The following MYH10 variants were observed in gnomAD, a reference collection of about 807,000 sequenced individuals.
The protein encoded by MYH10 is myosin heavy chain 10, also known as myosin-10.
MYH10 carries 55 observed loss-of-function variants against 257.8 expected under a neutral mutation model. That is an observed-to-expected ratio of 0.21 (90% CI 0.17 to 0.27). The LOEUF (loss-of-function observed/expected upper bound fraction) is 0.27. Ranked by LOEUF, MYH10 falls within the 10% of genes least tolerant of loss-of-function variation. The probability of loss-of-function intolerance (pLI) is 1.00; values close to 1 mark genes in which losing one functional copy is unlikely to be tolerated. For synonymous variants in MYH10, 854 were observed against 921.7 expected (o/e 0.93, Z 1.33); for missense variants, 1,631 against 2,500.6 (o/e 0.65, Z 7.42).
At chr17:8,524,839 TAACTC>T (rs1395822969) in intron 17 of MYH10, among the ~76,000 whole-genome samples, 7 of 152,174 alleles carry the variant, frequency 4.6e-5, no homozygotes, top group African/African-American at 1.4e-4. Context: ...AGTGTCCAAA[TAACTC>T]AGCTCAGTAG....
At chr17:8,564,414 A>G (rs1042412190) in intron 7 of MYH10, among the ~76,000 whole-genome samples, 5 of 152,220 alleles carry the variant, frequency 3.3e-5, no homozygotes, top group Non-Finnish European at 7.3e-5. Flanking sequence ...CATTGATCTC[A>G]ACCCAAGGCC....
intron 30 of MYH10, among the ~76,000 whole-genome samples, chr17:8,497,231 G>T (rs1318545340): frequency 6.6e-6 from 1 of 152,154 alleles, no homozygotes; most frequent in Admixed American, 6.5e-5. Flanking sequence ...ACTGTAGTGT[G>T]GTCTTGGGCC....
Position 8,476,979 on chromosome 17 carries a change from G to A in MYH10, c.5776C>T (p.Arg1926Cys), listed in dbSNP as rs1235028445. 1.2e-6 allele frequency: 2 copies of A among 1,614,160 alleles called. No homozygotes were observed. The highest frequency in any genetic ancestry group is 1.1e-5 in the South Asian group (1 of 91,090). Residue 1926 changes from arginine to cysteine, a missense_variant, in exon 42 of 43, where the codon CGT becomes TGT. Around this residue, in one of 11 missense-constraint regions of MYH10, gnomAD observed 343 missense variants for 389.5 expected, o/e 0.88. Coordinates refer to ENST00000360416, the MANE Select transcript of MYH10 (RefSeq NM_001256012.3). The stretch of plus-strand genomic sequence containing the variant: ...AGTTTACGCCGAGATGCGTTGGCAC[G>A]CGTCGCTTCTTCTTCTGCTTCCTCC... ...QLEEAEEEAT[R>C]ANASRRKLQR...
At chr17:8,566,525 A>AT (rs1284848953) in intron 7 of MYH10, among the ~76,000 whole-genome samples, 1 of 152,136 alleles carries the variant, frequency 6.6e-6, no homozygotes, top group Non-Finnish European at 1.5e-5. Flanking sequence ...GCCAAGAGCC[A>AT]TGTAGGATAG....
intron 14 of MYH10, among the ~76,000 whole-genome samples, chr17:8,540,861 T>C (rs2082272696): frequency 1.3e-5 from 2 of 152,244 alleles, no homozygotes; most frequent in Admixed American, 6.5e-5. Flanking sequence ...AGTGTGTTCA[T>C]GTGCTTGTGT....
At chr17:8,614,264 A>C (rs1181130188) in intron 2 of MYH10, among the ~76,000 whole-genome samples, 1 of 151,526 alleles carries the variant, frequency 6.6e-6, no homozygotes, top group Non-Finnish European at 1.5e-5. Context: ...ATAATAAAAT[A>C]AACCTGAAGA....
At chr17:8,509,384 C>T (rs980354753) in intron 25 of MYH10, among the ~76,000 whole-genome samples, 1 of 152,130 alleles carries the variant, frequency 6.6e-6, no homozygotes, top group Non-Finnish European at 1.5e-5. Flanking sequence ...AATGCATTTC[C>T]CAGAATGTGT....
At chr17:8,564,522 C>T (rs2083099536) in intron 7 of MYH10, among the ~76,000 whole-genome samples, 1 of 152,156 alleles carries the variant, frequency 6.6e-6, no homozygotes, top group Non-Finnish European at 1.5e-5. Context: ...TATGCACTAC[C>T]TTCCCCGAGC....
intron 6 of MYH10, 56 bp downstream of exon 6, chr17:8,576,587 C>G: frequency 6.7e-7 from 1 of 1,498,978 alleles, no homozygotes; most frequent in Admixed American, 2.0e-5. Flanking sequence ...ACTCAATCTA[C>G]AGACAGAAAT....
At chr17:8,602,108 T>C (rs2084631071) in intron 3 of MYH10, among the ~76,000 whole-genome samples, 1 of 151,938 alleles carries the variant, frequency 6.6e-6, no homozygotes, top group Non-Finnish European at 1.5e-5. Context: ...CCCGAGTAGC[T>C]GGGACTACAG....
intron 37 of MYH10, among the ~76,000 whole-genome samples, chr17:8,482,706 A>C (rs1021962640): frequency 2.0e-5 from 3 of 152,370 alleles, no homozygotes; most frequent in Non-Finnish European, 4.4e-5. Context: ...TTTCCAGCTC[A>C]GTCTCTTCTC....
intron 2 of MYH10, among the ~76,000 whole-genome samples, chr17:8,610,731 G>A (rs547131407): frequency 7.9e-5 from 12 of 152,136 alleles, no homozygotes; most frequent in South Asian, 2.1e-4. Context: ...GAATGATGCC[G>A]CAAGAAGGCC....
chr17:8,538,269 G>A (rs1290040833), intron 14 of MYH10, among the ~76,000 whole-genome samples: 4 of 152,258 alleles, frequency 2.6e-5, no homozygotes, highest in South Asian at 2.1e-4. Context: ...GTGGTCACGC[G>A]ATCTTGGCTC....
chr17:8,504,631 T>C lies in MYH10; in HGVS notation c.3599+63A>G. 3 of 1,454,716 alleles carry C rather than the reference T, an allele frequency of 2.1e-6. No individual in the cohort carries two copies. The highest frequency in any genetic ancestry group is 1.2e-5 in the South Asian group (1 of 83,558). 90.1% of individuals were successfully genotyped at this position (1,454,716 alleles called of 1,614,324 possible). ...AAAGATAGCAAGCACACCAGGCATT[T>C]CTGCACGGGCTCGGTGGAGAGGTCG... On this transcript the variant is annotated intron_variant, in intron 28 of 42. Coordinates refer to ENST00000360416, the MANE Select transcript of MYH10 (RefSeq NM_001256012.3). This position sits in a 1 kb window ranked among gnomAD's most constrained non-coding sequence, Gnocchi z 5.6.
chr17:8,594,181 G>A (rs901125089), intron 3 of MYH10, among the ~76,000 whole-genome samples: 1 of 151,978 alleles, frequency 6.6e-6, no homozygotes, highest in Non-Finnish European at 1.5e-5. Flanking sequence ...AGACTGGGAG[G>A]AAAAAAATTG....
intron 28 of MYH10, among the ~76,000 whole-genome samples, chr17:8,502,290 C>G (rs904686529): frequency 6.6e-6 from 1 of 152,150 alleles, no homozygotes; most frequent in Non-Finnish European, 1.5e-5. Context: ...TCGCATGTAG[C>G]CCAGCCAGAA....
intron 1 of MYH10, among the ~76,000 whole-genome samples, chr17:8,626,308 G>C (rs2085671662): frequency 6.6e-6 from 1 of 152,140 alleles, no homozygotes; most frequent in Non-Finnish European, 1.5e-5. Context: ...GCTCACGCCT[G>C]TAATCCCAGC....
chr17:8,591,744 C>T (rs2152051960), intron 3 of MYH10, among the ~76,000 whole-genome samples: 1 of 152,322 alleles, frequency 6.6e-6, no homozygotes, highest in Admixed American at 6.5e-5. Flanking sequence ...CTGCTGCATA[C>T]TTCATTCCCC....
Position 8,521,299 on chromosome 17 carries a change from A to C in MYH10, c.1958-14T>G, listed in dbSNP as rs748311594. 1 of 1,612,754 alleles carries C rather than the reference A, an allele frequency of 6.2e-7. No homozygotes were observed. The highest frequency in any genetic ancestry group is 2.2e-5 in the East Asian group (1 of 44,876). ...CGATACGGTCCACTGGGGAGAAGAA[A>C]GGAGAAAACAAATATAAGCCAAACC... On this transcript the variant is annotated splice_polypyrimidine_tract_variant and intron_variant, in intron 17 of 42. Transcript: ENST00000360416.
Sources: allele counts gnomAD v4.1 joint callset (sites outside exome capture counted in the v4.1 genomes callset), GRCh38; gene constraint gnomAD v4.1.1; regional missense constraint gnomAD v4.1.1; non-coding constraint Gnocchi (gnomAD v3.1); transcripts MANE v1.5; gene names NCBI Gene and HGNC (gene_info 2026-07-23, HGNC 2026-07-21).